The following TBC1D4 variants were observed in gnomAD, a reference collection of about 807,000 sequenced individuals.
The protein encoded by TBC1D4 is TBC (Tre-2, BUB2, CDC16) domain-containing protein.
TBC1D4 carries 121 observed loss-of-function variants against 142.5 expected under a neutral mutation model. That is an observed-to-expected ratio of 0.85 (90% CI 0.73 to 0.99). The LOEUF is 0.99. Among genes scored for constraint, TBC1D4 ranks in the 50% least tolerant of loss-of-function variants. The probability of loss-of-function intolerance (pLI) is 0.00; values close to 1 mark genes in which losing one functional copy is unlikely to be tolerated. For missense variants in TBC1D4, 1,475 were observed against 1,606.6 expected, an observed-to-expected ratio of 0.92 and a Z score of 1.40; for synonymous variants, 630 against 628.2, an observed-to-expected ratio of 1.00 and a Z score of -0.04.
intron 1 of TBC1D4, among the ~76,000 whole-genome samples, chr13:75,381,857 A>T (rs1438415316): frequency 6.6e-6 from 1 of 152,236 alleles, no homozygotes; most frequent in Non-Finnish European, 1.5e-5. Context: ...CAATGATACA[A>T]TGAAATAAGT....
Position 75,411,700 on chromosome 13 carries a change from T to TA in TBC1D4, c.499-49094_499-49093insT, listed in dbSNP as rs202045045. On this transcript the variant is annotated intron_variant, in intron 1 of 20. Coordinates refer to ENST00000377636, the MANE Select transcript of TBC1D4 (RefSeq NM_014832.5). ...CACCATATCTGGCTAATTTTTTATT[T>TA]TTTTTTTTTTTCTTTTTGGTAGAGA... 4.1e-3 allele frequency among the ~76,000 whole-genome samples: 625 copies of TA among 151,950 alleles called. 5 individuals carry two copies. The highest frequency in any genetic ancestry group is 0.014 in the African/African-American group (591 of 41,390).
chr13:75,298,759 A>G (rs989585498), intron 17 of TBC1D4, among the ~76,000 whole-genome samples: 2 of 152,034 alleles, frequency 1.3e-5, no homozygotes, highest in Admixed American at 6.6e-5. Context: ...TCACACACAC[A>G]CACACATACA....
chr13:75,357,273 G>A (rs1224898992), intron 3 of TBC1D4, among the ~76,000 whole-genome samples: 1 of 152,168 alleles, frequency 6.6e-6, no homozygotes, highest in African/African-American at 2.4e-5. Flanking sequence ...ATCAATTCCT[G>A]TAAAAAGAAA....
intron 7 of TBC1D4, among the ~76,000 whole-genome samples, chr13:75,338,300 A>G (rs945413772): frequency 6.6e-6 from 1 of 151,918 alleles, no homozygotes; most frequent in Non-Finnish European, 1.5e-5. Flanking sequence ...AAAAAAAACA[A>G]TGGGTATACA....
intron 4 of TBC1D4, among the ~76,000 whole-genome samples, chr13:75,353,555 T>C (rs1881791221): frequency 6.6e-6 from 1 of 152,036 alleles, no homozygotes; most frequent in Non-Finnish European, 1.5e-5. Flanking sequence ...GCAAGAACTG[T>C]TTGAGACCTA....
At chr13:75,341,274 C>T in intron 6 of TBC1D4, 39 bp from the exon 7 acceptor site, 2 of 1,539,948 alleles carry the variant, frequency 1.3e-6, no homozygotes, top group Middle Eastern at 1.7e-4. Context: ...TATGGCAACA[C>T]CACTTCCCTC....
At chr13:75,395,377 G>C (rs1884735035) in intron 1 of TBC1D4, among the ~76,000 whole-genome samples, 1 of 152,258 alleles carries the variant, frequency 6.6e-6, no homozygotes, top group South Asian at 2.1e-4. Context: ...AAAGTGAGTG[G>C]TAAACTGCAA....
At chr13:75,401,865 T>C (rs918449931) in intron 1 of TBC1D4, among the ~76,000 whole-genome samples, 11 of 152,176 alleles carry the variant, frequency 7.2e-5, no homozygotes, top group African/African-American at 2.7e-4. Context: ...GACTGGAACA[T>C]TTGTCAAATG....
intron 1 of TBC1D4, among the ~76,000 whole-genome samples, chr13:75,387,937 A>G (rs1316527648): frequency 6.6e-6 from 1 of 152,218 alleles, no homozygotes; most frequent in Non-Finnish European, 1.5e-5. Context: ...GACCAAAATC[A>G]TGGTGCTGGC....
At position 75,286,133 on chromosome 13, in the gene TBC1D4, A is replaced by G. The variant is rs114271754; in HGVS notation, c.*659T>C. 91 of 153,084 alleles carry G rather than the reference A, an allele frequency of 5.9e-4. No individual in the cohort carries two copies. The highest frequency in any genetic ancestry group is 2.1e-3 in the African/African-American group (86 of 41,582). The allele number at this position is 153,084 out of a possible 1,614,324, so 9.5% of individuals were successfully genotyped here. A position where few individuals can be genotyped will look rare whatever the true frequency, so the allele number is the denominator to read the frequency against. ...TTTATGTATGTTTAAAGTAATGCCT[A>G]ACCAGACTCATAATGCATGTAGATG... On this transcript the variant is annotated 3_prime_UTR_variant, in exon 21 of 21. Transcript: ENST00000377636.
chr13:75,416,547 C>T (rs1217780912), intron 1 of TBC1D4, among the ~76,000 whole-genome samples: 2 of 152,064 alleles, frequency 1.3e-5, no homozygotes, highest in Non-Finnish European at 2.9e-5. Flanking sequence ...AAGACAAAGA[C>T]GACCCAGGCA....
At chr13:75,464,963 A>T (rs1888110538) in intron 1 of TBC1D4, among the ~76,000 whole-genome samples, 1 of 152,110 alleles carries the variant, frequency 6.6e-6, no homozygotes, top group Non-Finnish European at 1.5e-5. Context: ...AGCCTTCATC[A>T]CAATTTGAAA....
intron 1 of TBC1D4, among the ~76,000 whole-genome samples, chr13:75,409,998 A>C: frequency 6.6e-6 from 1 of 152,314 alleles, no homozygotes; most frequent in Middle Eastern, 3.4e-3. Context: ...AAATTTGTTC[A>C]CCAAATTTGT....
intron 1 of TBC1D4, among the ~76,000 whole-genome samples, chr13:75,429,380 C>T (rs1364283351): frequency 1.3e-5 from 2 of 152,088 alleles, no homozygotes; most frequent in Non-Finnish European, 2.9e-5. Flanking sequence ...AATGAATAAG[C>T]CCGAAGTCTT....
At chr13:75,327,652 G>T in intron 9 of TBC1D4, 100 bp downstream of exon 9, 1 of 1,107,872 alleles carries the variant, frequency 9.0e-7, no homozygotes, top group Non-Finnish European at 1.4e-6. Flanking sequence ...TTTTTAAAAA[G>T]CTATAAAGCA....
chr13:75,443,550 C>T (rs1014199718), intron 1 of TBC1D4, among the ~76,000 whole-genome samples: 1 of 152,196 alleles, frequency 6.6e-6, no homozygotes, highest in South Asian at 2.1e-4. Flanking sequence ...ACCCTTCTAA[C>T]GCAGAACATA....
intron 1 of TBC1D4, among the ~76,000 whole-genome samples, chr13:75,431,096 A>T (rs1178506719): frequency 1.3e-5 from 2 of 152,194 alleles, no homozygotes; most frequent in Non-Finnish European, 2.9e-5. Context: ...TGAGGCATCA[A>T]TGGGCTTTAC....
In TBC1D4 at chr13:75,362,411, T is replaced by G. The variant is rs1438575783; in HGVS notation, c.695A>C (p.His232Pro). The change falls in exon 2 of 21, where the codon CAC becomes CCC. Residue 232 changes from histidine (H) to proline (P), a missense_variant. Transcript: ENST00000377636. This position sits in a 1 kb window ranked among gnomAD's most constrained non-coding sequence, Gnocchi z 4.2. ...IDDCMEKFSL[H>P]EQQRLKIQGE... ...TTGGATCTTCAGGCGCTGCTGTTCG[T>G]GCAGGCTGAACTTCTCCATGCAGTC... is the stretch of plus-strand genomic sequence containing the variant. 1 of 1,614,226 alleles carries G rather than the reference T, an allele frequency of 6.2e-7. No individual in the cohort carries two copies. Among genetic ancestry groups the G allele is most frequent in the Non-Finnish European group, 8.5e-7 (1 of 1,180,042 alleles).
intron 1 of TBC1D4, among the ~76,000 whole-genome samples, chr13:75,431,386 T>C (rs538194989): frequency 6.6e-5 from 10 of 152,236 alleles, no homozygotes; most frequent in Non-Finnish European, 1.5e-4. Context: ...TCCCCTGTTC[T>C]AATCCCAATT....
Sources: allele counts gnomAD v4.1 joint callset (sites outside exome capture counted in the v4.1 genomes callset), GRCh38; gene constraint gnomAD v4.1.1; non-coding constraint Gnocchi (gnomAD v3.1); transcripts MANE v1.5; gene names NCBI Gene and HGNC (gene_info 2026-07-23, HGNC 2026-07-21).